The following LRMDA variants were observed in gnomAD, a reference collection of about 807,000 sequenced individuals.
LRMDA encodes the protein leucine-rich melanocyte differentiation-associated protein.
In LRMDA, 18 loss-of-function variants were observed where a neutral mutation model predicts 29.8. That is an observed-to-expected ratio of 0.60 (90% confidence interval 0.42 to 0.90). The LOEUF is 0.90. Ranked by LOEUF, LRMDA falls within the 40% of genes least tolerant of loss-of-function variation. The pLI is 0.00. For missense variants in LRMDA, 273 were observed against 273.9 expected (o/e 1.00, Z 0.02); for synonymous variants, 125 against 109.4 (o/e 1.14, Z -0.89).
chr10:76,050,024 C>T (rs896860248), intron 4 of LRMDA, among the ~76,000 whole-genome samples: 41 of 152,270 alleles, frequency 2.7e-4, no homozygotes, highest in African/African-American at 9.4e-4. Context: ...ACCCATGGTT[C>T]ATTTAGTGCT....
At chr10:76,364,058 CT>C (rs1252327203) in intron 6 of LRMDA, among the ~76,000 whole-genome samples, 1 of 152,142 alleles carries the variant, frequency 6.6e-6, no homozygotes, top group African/African-American at 2.4e-5. Flanking sequence ...CAAAATTTTT[CT>C]AGTTCTTAGA....
At chr10:75,810,359 G>A (rs1038452491) in intron 2 of LRMDA, among the ~76,000 whole-genome samples, 3 of 152,186 alleles carry the variant, frequency 2.0e-5, no homozygotes, top group Non-Finnish European at 4.4e-5. Flanking sequence ...AGGGCTGTTC[G>A]GAGGATGTCA....
intron 2 of LRMDA, among the ~76,000 whole-genome samples, chr10:76,034,472 T>C (rs1420735064): frequency 6.6e-6 from 1 of 152,188 alleles, no homozygotes; most frequent in Non-Finnish European, 1.5e-5. Flanking sequence ...AGGCGTGCTC[T>C]GGGAGTCGAG....
intron 2 of LRMDA, among the ~76,000 whole-genome samples, chr10:75,524,180 G>T (rs189143384): frequency 1.3e-5 from 2 of 152,338 alleles, no homozygotes; most frequent in East Asian, 3.9e-4. Flanking sequence ...TATAGTGGGA[G>T]AATTTCTAGC....
intron 5 of LRMDA, among the ~76,000 whole-genome samples, chr10:76,180,277 C>CTTTTTT (rs34563574): frequency 6.7e-5 from 6 of 89,864 alleles, no homozygotes; most frequent in Non-Finnish European, 1.0e-4. Flanking sequence ...TTGGAAAAAA[C>CTTTTTT]TTTTTTTTTT....
At chr10:75,876,345 A>G (rs1398931007) in intron 2 of LRMDA, among the ~76,000 whole-genome samples, 2 of 152,210 alleles carry the variant, frequency 1.3e-5, no homozygotes, top group African/African-American at 4.8e-5. Flanking sequence ...ATTTAGAACA[A>G]TAGACTGGAA....
At chr10:75,820,299 C>T (rs1375080400) in intron 2 of LRMDA, among the ~76,000 whole-genome samples, 1 of 152,186 alleles carries the variant, frequency 6.6e-6, no homozygotes, top group East Asian at 1.9e-4. Flanking sequence ...GAAATAATGT[C>T]AAGTACCGTC....
intron 4 of LRMDA, 132 bp from the exon 5 acceptor site, chr10:76,058,534 G>A (rs1848651657): frequency 2.7e-6 from 2 of 733,372 alleles, no homozygotes; most frequent in Non-Finnish European, 4.8e-6. Flanking sequence ...TGTGAAAGAA[G>A]AGAGGAGGCG....
intron 5 of LRMDA, among the ~76,000 whole-genome samples, chr10:76,265,548 T>A (rs568403990): frequency 7.2e-5 from 11 of 152,260 alleles, no homozygotes; most frequent in Admixed American, 6.5e-5. Flanking sequence ...ACTTTCCACA[T>A]GGTCAGGAAG....
chr10:76,104,063 T>A lies in LRMDA; in HGVS notation c.516+45280T>A, dbSNP rs202163675. ...ACTCTATCTAAAAAAAAAAAAAAAA[T>A]TCCACACCATTCCCTTCTTCCAAGT... On this transcript the variant is annotated intron_variant, in intron 5 of 6. Coordinates refer to ENST00000611255, the MANE Select transcript of LRMDA (RefSeq NM_001305581.2). 9.9e-5 allele frequency among the ~76,000 whole-genome samples: 15 copies of A among 151,166 alleles called. No individual in the cohort carries two copies. In the East Asian group the frequency reaches 2.9e-3, roughly 29 times the overall value.
intron 2 of LRMDA, among the ~76,000 whole-genome samples, chr10:75,781,948 A>G (rs944137099): frequency 1.3e-5 from 2 of 152,088 alleles, no homozygotes; most frequent in Admixed American, 6.5e-5. Flanking sequence ...GGTGATGGGG[A>G]GAAGGTTCTG....
chr10:76,116,233 C>T (rs904744126), intron 5 of LRMDA, among the ~76,000 whole-genome samples: 1 of 151,990 alleles, frequency 6.6e-6, no homozygotes, highest in African/African-American at 2.4e-5. Flanking sequence ...CTTTCTGGGG[C>T]CAACACCTAT....
rs527952451 is a variant in LRMDA at position 76,297,262 on chromosome 10, G to T, written c.517-27139G>T. ...TTCCACTCTTTGGAAAGCATTCAGG[G>T]TGGCTAACCACTATTTCAGATATGG... is the stretch of plus-strand genomic sequence containing the variant. On this transcript the variant is annotated intron_variant, in intron 5 of 6. Transcript: ENST00000611255. 3.9e-5 allele frequency among the ~76,000 whole-genome samples: 6 copies of T among 152,306 alleles called. No homozygotes were observed. In the East Asian group the frequency reaches 7.7e-4, roughly 20 times the overall value.
At chr10:76,059,171 C>T (rs1848665113) in intron 5 of LRMDA, among the ~76,000 whole-genome samples, 1 of 152,086 alleles carries the variant, frequency 6.6e-6, no homozygotes, top group African/African-American at 2.4e-5. Context: ...TCTTGTTTGC[C>T]ACCAAAGGGA....
At chr10:76,448,565 T>G (rs894998215) in intron 6 of LRMDA, among the ~76,000 whole-genome samples, 1 of 152,122 alleles carries the variant, frequency 6.6e-6, no homozygotes, top group African/African-American at 2.4e-5. Flanking sequence ...AAGTGCCGTC[T>G]GTTGACATGT....
intron 5 of LRMDA, among the ~76,000 whole-genome samples, chr10:76,173,096 T>C (rs564796477): frequency 6.6e-6 from 1 of 151,780 alleles, no homozygotes; most frequent in African/African-American, 2.4e-5. Context: ...CAAAGCAAAA[T>C]TCTAGAGGTG....
At chr10:75,522,442 G>A (rs1845372401) in intron 2 of LRMDA, among the ~76,000 whole-genome samples, 2 of 152,256 alleles carry the variant, frequency 1.3e-5, no homozygotes, top group Non-Finnish European at 2.9e-5. Context: ...TAGTATAGAC[G>A]GATTTTAAAA....
At chr10:76,391,561 T>C (rs981786359) in intron 6 of LRMDA, among the ~76,000 whole-genome samples, 1 of 152,226 alleles carries the variant, frequency 6.6e-6, no homozygotes. Context: ...ATATAGTTTA[T>C]GCTTGACAGA....
intron 5 of LRMDA, among the ~76,000 whole-genome samples, chr10:76,127,195 C>A (rs10762694): frequency 0.34 from 50,892 of 151,810 alleles, 9,629 homozygotes; most frequent in East Asian, 0.65. Context: ...AGCAGAGTTG[C>A]CAGATGATCT....
Sources: allele counts gnomAD v4.1 joint callset (sites outside exome capture counted in the v4.1 genomes callset), GRCh38; gene constraint gnomAD v4.1.1; transcripts MANE v1.5; gene names NCBI Gene and HGNC (gene_info 2026-07-23, HGNC 2026-07-21).